PTPRN2: variants seen among roughly 807,000 people sequenced by gnomAD.
The protein encoded by PTPRN2 is protein tyrosine phosphatase receptor type N2.
Under a neutral mutation model 118.8 loss-of-function variants are expected in PTPRN2, and 74 were observed. The observed-to-expected ratio is 0.62, with a 90% CI of 0.52 to 0.76. The LOEUF is 0.76. PTPRN2 is among the 30% of genes least tolerant of loss of function. PTPRN2 has a pLI of 0.00. For synonymous variants in PTPRN2, 641 were observed against 608.0 expected (o/e 1.05, Z -0.80); for missense variants, 1,481 against 1,394.4 (o/e 1.06, Z -0.99).
intron 4 of PTPRN2, among the ~76,000 whole-genome samples, chr7:158,203,390 A>G (rs1009302813): frequency 1.3e-5 from 2 of 152,180 alleles, no homozygotes; most frequent in African/African-American, 4.8e-5. Flanking sequence ...ACCATTTTTC[A>G]TAATAAAACT....
chr7:158,049,408 T>C (rs1018388191), intron 11 of PTPRN2, among the ~76,000 whole-genome samples: 1 of 152,218 alleles, frequency 6.6e-6, no homozygotes, highest in African/African-American at 2.4e-5. Flanking sequence ...CTGCCCTGTC[T>C]TCCTTCCTTT....
chr7:157,664,319 C>G (rs1391171941), intron 13 of PTPRN2, among the ~76,000 whole-genome samples: 1 of 152,258 alleles, frequency 6.6e-6, no homozygotes, highest in Non-Finnish European at 1.5e-5. Flanking sequence ...GAACTGCCAT[C>G]AGACGAGAGC....
chr7:158,194,799 ATAACTGTCACG>A (rs1563587615), intron 4 of PTPRN2, among the ~76,000 whole-genome samples: 1 of 152,262 alleles, frequency 6.6e-6, no homozygotes, highest in East Asian at 1.9e-4. Flanking sequence ...CAGATAGTGT[ATAACTGTCACG>A]TTTAACTGAC....
At chr7:158,008,538 AT>A (rs1486820769) in intron 11 of PTPRN2, among the ~76,000 whole-genome samples, 18 of 152,210 alleles carry the variant, frequency 1.2e-4, no homozygotes, top group African/African-American at 3.9e-4. Flanking sequence ...GCAGCTTAGC[AT>A]TTATTTCATA....
In PTPRN2 at chr7:158,123,617, C is replaced by T. The variant is rs762546032; in HGVS notation, c.1556+10060G>A. Among the ~76,000 whole-genome samples, 5 of 152,168 alleles carry T rather than the reference C, an allele frequency of 3.3e-5. No individual in the cohort carries two copies. The East Asian group carries it at 9.6e-4, about 29-fold the overall frequency. On this transcript the variant is annotated intron_variant, in intron 9 of 22. Coordinates refer to ENST00000389418, the MANE Select transcript of PTPRN2 (RefSeq NM_002847.5). The stretch of plus-strand genomic sequence containing the variant: ...CTGGACCACTGCTAGTGGGGCTGTC[C>T]ACACCATCGACTCTTCCAGGCAGAA...
chr7:158,283,333 C>T (rs927100880), intron 3 of PTPRN2, among the ~76,000 whole-genome samples: 6 of 152,150 alleles, frequency 3.9e-5, no homozygotes, highest in African/African-American at 1.2e-4. Context: ...GAGCAGTGAC[C>T]GAGCAGGCCC....
intron 3 of PTPRN2, among the ~76,000 whole-genome samples, chr7:158,217,935 T>C (rs1421467429): frequency 6.6e-6 from 1 of 152,094 alleles, no homozygotes; most frequent in Non-Finnish European, 1.5e-5. Context: ...CTGAAAAGTA[T>C]GGGATTATGT....
At chr7:158,149,859 C>G (rs1820772496) in intron 6 of PTPRN2, among the ~76,000 whole-genome samples, 1 of 149,402 alleles carries the variant, frequency 6.7e-6, no homozygotes, top group African/African-American at 2.4e-5. Context: ...AAAAAAATTA[C>G]TGTGGAATTT....
At chr7:157,653,426 T>A (rs796087783) in intron 14 of PTPRN2, among the ~76,000 whole-genome samples, 46 of 152,256 alleles carry the variant, frequency 3.0e-4, no homozygotes, top group African/African-American at 1.1e-3. Flanking sequence ...GTAGCTGTGA[T>A]GAGTCGGAAG....
chr7:157,738,089 T>A (rs1386721201), intron 12 of PTPRN2, among the ~76,000 whole-genome samples: 1 of 152,238 alleles, frequency 6.6e-6, no homozygotes. Context: ...AAAGTTTCAC[T>A]TTTAAACACT....
intron 12 of PTPRN2, among the ~76,000 whole-genome samples, chr7:157,756,357 C>T (rs1000513722): frequency 1.3e-5 from 2 of 151,460 alleles, no homozygotes; most frequent in South Asian, 2.1e-4. Flanking sequence ...TGCAGTGGCG[C>T]GATCTCGGCT....
intron 5 of PTPRN2, among the ~76,000 whole-genome samples, chr7:158,172,628 C>T (rs959547095): frequency 3.3e-5 from 5 of 151,740 alleles, no homozygotes; most frequent in South Asian, 2.1e-4. Context: ...TCTCCAACAG[C>T]ATCCCCACCA....
At position 158,054,115 on chromosome 7, in the gene PTPRN2, AGATG is replaced by A. The variant is rs1398943457; in HGVS notation, c.1723+27179_1723+27182del. Among the ~76,000 whole-genome samples the A allele has an allele frequency of 1.2e-4, 18 of 152,214 alleles. No homozygotes were observed. The Middle Eastern group carries it at 0.01, about 86-fold the overall frequency. ...GACTCCAGAGACGGAGAGACCCCAGAGATGCAGAGACCCTAGAGAGCATGGGGGC... is the reference window on the plus strand; with the variant it reads ...GACTCCAGAGACGGAGAGACCCCAGACAGAGACCCTAGAGAGCATGGGGGC... On this transcript the variant is annotated intron_variant, in intron 11 of 22. Transcript: ENST00000389418.
At chr7:158,457,123 G>A (rs957040151) in intron 2 of PTPRN2, among the ~76,000 whole-genome samples, 4 of 152,096 alleles carry the variant, frequency 2.6e-5, no homozygotes, top group South Asian at 2.1e-4. Context: ...CAGCAATGGC[G>A]CACGCAGGGT....
In PTPRN2 at chr7:158,166,992, G is replaced by A. The variant is rs370621028; in HGVS notation, c.849C>T (p.Ala283=). ...SRMPRPLLAP[A]APQKWPSPLG... ...GAGGTGAAGGCCACTTCTGGGGGGC[G>A]GCTGGTGCCAGCAAAGGCCTGGGCA... Residue 283 remains alanine, a synonymous_variant, in exon 6 of 23, where the codon GCC becomes GCT. Transcript: ENST00000389418. The A allele has an allele frequency of 6.8e-5, 99 of 1,460,578 alleles. No homozygotes were observed. The Middle Eastern group carries it at 1.3e-3, about 19-fold the overall frequency. The allele number at this position is 1,460,578 out of a possible 1,614,324, so 90.5% of individuals were successfully genotyped here. A position where few individuals can be genotyped will look rare whatever the true frequency, so the allele number is the denominator to read the frequency against.
chr7:157,702,132 T>A (rs2952633), intron 12 of PTPRN2, among the ~76,000 whole-genome samples: 44,029 of 113,710 alleles, frequency 0.39, 8,377 homozygotes, highest in East Asian at 0.67. Flanking sequence ...TGCCTTTGTG[T>A]GAAAGCCCGG....
chr7:157,754,364 G>A (rs1167067983), intron 12 of PTPRN2, among the ~76,000 whole-genome samples: 1 of 152,264 alleles, frequency 6.6e-6, no homozygotes, highest in Non-Finnish European at 1.5e-5. Context: ...TGAGCTGGGG[G>A]CAGGCGGACA....
In PTPRN2 at chr7:158,226,692, C is replaced by T. The variant is rs73176121; in HGVS notation, c.278-21419G>A. On this transcript the variant is annotated intron_variant, in intron 3 of 22. Coordinates refer to ENST00000389418, the MANE Select transcript of PTPRN2 (RefSeq NM_002847.5). ...GCTTCCCTTTTTTTTTTTTTTTTTT[C>T]CGGTGGTATCCAAGAGTAAGATATG... Among the ~76,000 whole-genome samples, 99 of 36,150 alleles carry T rather than the reference C, an allele frequency of 2.7e-3. 1 individual carries two copies. Among genetic ancestry groups the T allele is most frequent in the African/African-American group, 5.4e-3 (21 of 3,892 alleles). The allele number at this position is 36,150 out of a possible 152,430, so 23.7% of individuals were successfully genotyped here. A position where few individuals can be genotyped will look rare whatever the true frequency, so the allele number is the denominator to read the frequency against.
rs569535559 is a variant in PTPRN2 at position 158,371,722 on chromosome 7, C to T, written c.164-54790G>A. ...AGGAAATGATTCATATGCGGAAAAC[C>T]GTTCGTTTTCAAAGATGTGCTTACT... On this transcript the variant is annotated intron_variant, in intron 2 of 22. Coordinates refer to ENST00000389418, the MANE Select transcript of PTPRN2 (RefSeq NM_002847.5). 3.9e-5 allele frequency among the ~76,000 whole-genome samples: 6 copies of T among 152,262 alleles called. No homozygotes were observed. The South Asian group carries it at 8.3e-4, about 21-fold the overall frequency.
Sources: allele counts gnomAD v4.1 joint callset (sites outside exome capture counted in the v4.1 genomes callset), GRCh38; gene constraint gnomAD v4.1.1; transcripts MANE v1.5; gene names NCBI Gene and HGNC (gene_info 2026-07-23, HGNC 2026-07-21).